The following SH3PXD2B variants were observed in gnomAD, a reference collection of about 807,000 sequenced individuals.
SH3PXD2B encodes SH3 and PX domain-containing protein 2B.
In SH3PXD2B, 37 loss-of-function variants were observed where a neutral mutation model predicts 73.1. That is an observed-to-expected ratio of 0.51 (90% CI 0.39 to 0.67). SH3PXD2B has a LOEUF of 0.67. SH3PXD2B is among the 30% of genes least tolerant of loss of function. SH3PXD2B has a pLI of 0.00. For missense variants in SH3PXD2B, 1,053 were observed against 1,197.8 expected, an observed-to-expected ratio of 0.88 and a Z score of 1.78; for synonymous variants, 457 against 480.5, an observed-to-expected ratio of 0.95 and a Z score of 0.64.
rs370879902 is a variant in SH3PXD2B at position 172,430,108 on chromosome 5, A to G, written c.76-7612T>C. Among the ~76,000 whole-genome samples, 39 of 152,356 alleles carry G rather than the reference A, an allele frequency of 2.6e-4. No homozygotes were observed. The East Asian group carries it at 6.6e-3, about 26-fold the overall frequency. ...TACTAACTGCAAAGTTGGGGCGAGG[A>G]TGAAATGAGAACATGCATGTAGATT... On this transcript the variant is annotated intron_variant, in intron 1 of 12. Transcript: ENST00000311601.
intron 1 of SH3PXD2B, 78 bp downstream of exon 1, chr5:172,454,200 G>GT: frequency 7.5e-7 from 1 of 1,325,722 alleles, no homozygotes; most frequent in Non-Finnish European, 1.0e-6. Flanking sequence ...GGAGGCAGAA[G>GT]TTTTCCAAGC....
Position 172,333,689 on chromosome 5 carries a change from G to A in SH3PXD2B, c.*4680C>T, listed in dbSNP as rs1380803895. 1 of 1,289,412 alleles carries A rather than the reference G, an allele frequency of 7.8e-7. No individual in the cohort carries two copies. The allele number at this position is 1,289,412 out of a possible 1,614,324, so 79.9% of individuals were successfully genotyped here. ...AAAACCACCACCGGAATGCCAATTT[G>A]CCAAGAGGGTAGAGTAAGTGTGGGG... On this transcript the variant is annotated 3_prime_UTR_variant, in exon 13 of 13. Transcript: ENST00000311601.
intron 6 of SH3PXD2B, among the ~76,000 whole-genome samples, chr5:172,369,613 CA>C (rs1757657590): frequency 6.6e-6 from 1 of 152,010 alleles, no homozygotes; most frequent in East Asian, 1.9e-4. Flanking sequence ...ACTAAACATG[CA>C]AAAATTAGCC....
At chr5:172,426,828 G>C (rs1759105952) in intron 1 of SH3PXD2B, among the ~76,000 whole-genome samples, 1 of 152,332 alleles carries the variant, frequency 6.6e-6, no homozygotes, top group Middle Eastern at 3.4e-3. Flanking sequence ...AGGGAGAGAG[G>C]AGGGCTCAGA....
chr5:172,418,850 C>A (rs961692828), intron 2 of SH3PXD2B, among the ~76,000 whole-genome samples: 5 of 152,320 alleles, frequency 3.3e-5, no homozygotes, highest in Middle Eastern at 3.4e-3. Context: ...GGAGGAAAAC[C>A]TTAAGTTCTG....
chr5:172,393,935 G>A (rs1184592551), intron 4 of SH3PXD2B, among the ~76,000 whole-genome samples: 1 of 141,338 alleles, frequency 7.1e-6, no homozygotes, highest in Non-Finnish European at 1.5e-5. Flanking sequence ...GTCATTAAAA[G>A]TAGGCTTAAG....
At position 172,334,956 on chromosome 5, in the gene SH3PXD2B, A is replaced by G. The variant is rs1232678982; in HGVS notation, c.*3413T>C. 2 of 985,378 alleles carry G rather than the reference A, an allele frequency of 2.0e-6. No individual in the cohort carries two copies. Among genetic ancestry groups the G allele is most frequent in the African/African-American group, 3.5e-5 (2 of 57,338 alleles). The allele number at this position is 985,378 out of a possible 1,614,324, so 61.0% of individuals were successfully genotyped here. A position where few individuals can be genotyped will look rare whatever the true frequency, so the allele number is the denominator to read the frequency against. ...CTTGTGGCAGAGGTTTAAAATGACT[A>G]CCGTAACCTGGCATGGGCTCCAGCG... is the stretch of plus-strand genomic sequence containing the variant. On this transcript the variant is annotated 3_prime_UTR_variant, in exon 13 of 13. Transcript: ENST00000311601.
chr5:172,412,873 G>A (rs1758733782), intron 2 of SH3PXD2B, among the ~76,000 whole-genome samples: 1 of 152,208 alleles, frequency 6.6e-6, no homozygotes, highest in African/African-American at 2.4e-5. Context: ...AACTGAAGAG[G>A]AAGATGAGTC....
chr5:172,332,939 T>G (rs1275728410), downstream of SH3PXD2B, among the ~76,000 whole-genome samples: 1 of 145,014 alleles, frequency 6.9e-6, no homozygotes, highest in Admixed American at 6.8e-5. Context: ...GCACAATGTT[T>G]TTTTTTTTTT....
At chr5:172,439,677 TGC>T (rs140085322) in intron 1 of SH3PXD2B, among the ~76,000 whole-genome samples, 3 of 121,682 alleles carry the variant, frequency 2.5e-5, no homozygotes, top group Non-Finnish European at 3.7e-5. Context: ...TGTGCGTGCG[TGC>T]GCGCACGCGC....
rs1450077033 is a variant in SH3PXD2B at position 172,445,294 on chromosome 5, C to T, written c.75+8984G>A. ...CGCAAACATGGCTCACTGCAGCCTC[C>T]ATCTCCTGGGCTCAAGCGATCTTCC... On this transcript the variant is annotated intron_variant, in intron 1 of 12. Transcript: ENST00000311601. This position sits in a 1 kb window ranked among gnomAD's most constrained non-coding sequence, Gnocchi z 5.2. Among the ~76,000 whole-genome samples, 3 of 152,230 alleles carry T rather than the reference C, an allele frequency of 2.0e-5. No homozygotes were observed. The highest frequency in any genetic ancestry group is 7.2e-5 in the African/African-American group (3 of 41,474).
intron 1 of SH3PXD2B, among the ~76,000 whole-genome samples, chr5:172,433,185 T>C (rs144723679): frequency 2.3e-3 from 356 of 152,270 alleles, no homozygotes; most frequent in African/African-American, 8.3e-3. Context: ...AGTAACACAG[T>C]GTACAGGTTT....
Position 172,334,280 on chromosome 5 carries a change from T to C in SH3PXD2B, c.*4089A>G. ...GAGGTCCATGAGCAGGCAAGGACTG[T>C]GGAGCCTCCGGTTCCAGCTCTGCAG... is the stretch of plus-strand genomic sequence containing the variant. On this transcript the variant is annotated 3_prime_UTR_variant, in exon 13 of 13. Transcript: ENST00000311601. 6 of 1,007,096 alleles carry C rather than the reference T, an allele frequency of 6.0e-6. No individual in the cohort carries two copies. The South Asian group carries it at 2.6e-4, about 44-fold the overall frequency. The allele number at this position is 1,007,096 out of a possible 1,614,324, so 62.4% of individuals were successfully genotyped here.
In SH3PXD2B at chr5:172,335,291, C is replaced by T. The variant is rs1756660613; in HGVS notation, c.*3078G>A. Reference sequence around the variant, plus strand: ...TTTGGGCTGCCATTTGGCCTGTGACCTACTGAAATGTGTGAGCAAGGGGCG... The same window carrying T: ...TTTGGGCTGCCATTTGGCCTGTGACTTACTGAAATGTGTGAGCAAGGGGCG... On this transcript the variant is annotated 3_prime_UTR_variant, in exon 13 of 13. Coordinates refer to ENST00000311601, the MANE Select transcript of SH3PXD2B (RefSeq NM_001017995.3). 1 of 1,143,102 alleles carries T rather than the reference C, an allele frequency of 8.7e-7. No homozygotes were observed. Among genetic ancestry groups the T allele is most frequent in the Non-Finnish European group, 1.1e-6 (1 of 932,552 alleles). The allele number at this position is 1,143,102 out of a possible 1,614,324, so 70.8% of individuals were successfully genotyped here.
At chr5:172,406,472 C>A in intron 2 of SH3PXD2B, 120 bp from the exon 3 acceptor site, 1 of 1,160,206 alleles carries the variant, frequency 8.6e-7, no homozygotes, top group Middle Eastern at 2.0e-4. Flanking sequence ...TCACTGCGTT[C>A]AGCTTTCCAG....
intron 5 of SH3PXD2B, 60 bp from the exon 6 acceptor site, chr5:172,373,875 G>C (rs150349118): frequency 3.2e-6 from 5 of 1,581,852 alleles, no homozygotes; most frequent in Admixed American, 1.7e-5. Flanking sequence ...ATGTATTGAC[G>C]TGAGTTATTC....
chr5:172,342,597 G>A (rs1046455219), intron 12 of SH3PXD2B, among the ~76,000 whole-genome samples: 8 of 152,012 alleles, frequency 5.3e-5, no homozygotes, highest in South Asian at 2.1e-4. Flanking sequence ...CTGCGTCTAC[G>A]AAAAATACAA....
chr5:172,430,692 A>G (rs1218870587), intron 1 of SH3PXD2B, among the ~76,000 whole-genome samples: 1 of 152,194 alleles, frequency 6.6e-6, no homozygotes, highest in Non-Finnish European at 1.5e-5. Flanking sequence ...CTGCTCATGG[A>G]TGGTGTTAGG....
intron 1 of SH3PXD2B, among the ~76,000 whole-genome samples, chr5:172,440,279 C>G (rs980776743): frequency 6.6e-6 from 1 of 152,218 alleles, no homozygotes; most frequent in African/African-American, 2.4e-5. Context: ...AAGTAGCAAT[C>G]CTGCACGTCC....
Sources: gnomAD v4.1 joint callset for allele counts (sites outside exome capture counted in the v4.1 genomes callset) on GRCh38, gnomAD v4.1.1 for gene constraint, Gnocchi (gnomAD v3.1) non-coding constraint, MANE v1.5 for transcripts, NCBI Gene and HGNC (gene_info 2026-07-23, HGNC 2026-07-21) for gene names.